INTS14: variants seen among roughly 807,000 people sequenced by gnomAD.
INTS14 encodes integrator complex subunit 14.
INTS14 carries 27 observed loss-of-function variants against 56.9 expected under a neutral mutation model. The observed-to-expected ratio is 0.47, with a 90% CI of 0.35 to 0.65. INTS14 has a LOEUF of 0.65. INTS14 is among the 30% of genes least tolerant of loss of function. The pLI is 0.00. For missense variants in INTS14, 517 were observed against 632.2 expected, an observed-to-expected ratio of 0.82 and a Z score of 1.95; for synonymous variants, 207 against 236.2, an observed-to-expected ratio of 0.88 and a Z score of 1.13.
rs748615037 is a variant in INTS14 at position 65,579,667 on chromosome 15, A to G, written c.1306-8T>C. The G allele has an allele frequency of 3.7e-6, 6 of 1,607,622 alleles. No individual in the cohort carries two copies. Among genetic ancestry groups the G allele is most frequent in the Non-Finnish European group, 5.1e-6 (6 of 1,174,864 alleles). On this transcript the variant is annotated splice_polypyrimidine_tract_variant and splice_region_variant and intron_variant, in intron 11 of 11. Transcript: ENST00000313182. Reference sequence around the variant, plus strand: ...TCGCAAACGGTTCAGCTCCTGAAACAAGACAGAAAATCACCAATGCTCCTG... The same window carrying G: ...TCGCAAACGGTTCAGCTCCTGAAACGAGACAGAAAATCACCAATGCTCCTG...
chr15:65,595,842 A>G lies in INTS14; in HGVS notation c.749-17T>C. 1 of 1,548,312 alleles carries G rather than the reference A, an allele frequency of 6.5e-7. No individual in the cohort carries two copies. The highest frequency in any genetic ancestry group is 8.8e-7 in the Non-Finnish European group (1 of 1,132,196). On this transcript the variant is annotated splice_polypyrimidine_tract_variant and intron_variant, in intron 6 of 11. Transcript: ENST00000313182. ...TTTCCAAATCTGAAATGAAGGAATC[A>G]ACACAGAATTAATTCATTCTATGGA... is the stretch of plus-strand genomic sequence containing the variant.
Position 65,607,177 on chromosome 15 carries a change from T to C in INTS14, c.204A>G (p.Arg68=). The C allele has an allele frequency of 6.2e-7, 1 of 1,614,208 alleles. No individual in the cohort carries two copies. The highest frequency in any genetic ancestry group is 8.5e-7 in the Non-Finnish European group (1 of 1,180,030). ...SLWELMVPFT[R]DYNTLQEALS... ...TTTGTACCTGTAGGGTATTATAATC[T>C]CTCGTGAAGGGGACCATCAACTCCC... The change falls in exon 2 of 12, where the codon AGA becomes AGG. Residue 68 remains arginine (R), a synonymous_variant. Transcript: ENST00000313182.
chr15:65,607,493 TTCA>T lies in INTS14; in HGVS notation c.-62-54_-62-52del, dbSNP rs1163069495. 12 of 1,509,622 alleles carry T rather than the reference TTCA, an allele frequency of 7.9e-6. No homozygotes were observed. In the African/African-American group the frequency reaches 9.7e-5, roughly 12 times the overall value. 93.5% of individuals were successfully genotyped at this position (1,509,622 alleles called of 1,614,324 possible). A position where few individuals can be genotyped will look rare whatever the true frequency, so the allele number is the denominator to read the frequency against. On this transcript the variant is annotated intron_variant, in intron 1 of 11. Coordinates refer to ENST00000313182, the MANE Select transcript of INTS14 (RefSeq NM_001394796.1). ...ATGTCATGGAGAGAAAATAATATTT[TTCA>T]CCATAACTTTAACTAACTTCTCAGA...
At position 65,599,584 on chromosome 15, in the gene INTS14, A is replaced by C. The variant is rs989406880; in HGVS notation, c.486+190T>G. The C allele has an allele frequency of 2.1e-5, 12 of 576,786 alleles. No homozygotes were observed. In the East Asian group the frequency reaches 3.8e-4, roughly 18 times the overall value. 35.7% of individuals were successfully genotyped at this position (576,786 alleles called of 1,614,324 possible). A position where few individuals can be genotyped will look rare whatever the true frequency, so the allele number is the denominator to read the frequency against. The stretch of plus-strand genomic sequence containing the variant: ...CAACTCCAGCTATGTTCCCCAGATG[A>C]GGCAACACTCTGAAATTTCAAAGAA... On this transcript the variant is annotated intron_variant, in intron 4 of 11. Transcript: ENST00000313182.
intron 9 of INTS14, among the ~76,000 whole-genome samples, chr15:65,586,201 T>C (rs2072816376): frequency 6.6e-6 from 1 of 152,248 alleles, no homozygotes; most frequent in African/African-American, 2.4e-5. Context: ...GAATAAAGAA[T>C]ATTTATTAAG....
intron 6 of INTS14, among the ~76,000 whole-genome samples, chr15:65,596,842 G>C (rs1360946400): frequency 6.6e-6 from 1 of 152,192 alleles, no homozygotes; most frequent in Non-Finnish European, 1.5e-5. Flanking sequence ...GGGACTACAG[G>C]TGTGAGCCAC....
chr15:65,606,233 C>T (rs1216912077), intron 2 of INTS14, among the ~76,000 whole-genome samples: 2 of 137,140 alleles, frequency 1.5e-5, no homozygotes, highest in East Asian at 2.1e-4. Context: ...CCAGCCTGGG[C>T]GACAGCGAGA....
intron 9 of INTS14, 28 bp downstream of exon 9, chr15:65,591,570 G>A (rs148053187): frequency 5.1e-4 from 821 of 1,607,888 alleles, no homozygotes; most frequent in Admixed American, 8.0e-4. Context: ...ACAAAGTCAG[G>A]ATAAGTAAAA....
intron 1 of INTS14, among the ~76,000 whole-genome samples, chr15:65,608,215 A>T (rs2073724711): frequency 6.6e-6 from 1 of 152,026 alleles, no homozygotes; most frequent in Non-Finnish European, 1.5e-5. Flanking sequence ...GTCTCTACTA[A>T]AAATACAAAA....
At chr15:65,595,701 G>C (rs772727774) in intron 7 of INTS14, 32 bp downstream of exon 7, 7 of 1,511,790 alleles carry the variant, frequency 4.6e-6, no homozygotes, top group Non-Finnish European at 6.3e-6. Flanking sequence ...TTAATAAGAC[G>C]CTTCAGACGT....
chr15:65,599,646 G>A, intron 4 of INTS14, 128 bp downstream of exon 4: 1 of 1,030,842 alleles, frequency 9.7e-7, no homozygotes. Flanking sequence ...TAAAATACCA[G>A]CCTCAGCTGA....
At chr15:65,581,547 CAAAAAAAAAA>C (rs57782914) in intron 11 of INTS14, among the ~76,000 whole-genome samples, 9 of 47,732 alleles carry the variant, frequency 1.9e-4, no homozygotes, top group African/African-American at 6.7e-4. Flanking sequence ...GACTCCATCT[CAAAAAAAAAA>C]AAAAAAAAAA....
At chr15:65,602,209 A>C (rs2141311612) in intron 3 of INTS14, among the ~76,000 whole-genome samples, 1 of 152,234 alleles carries the variant, frequency 6.6e-6, no homozygotes, top group South Asian at 2.1e-4. Context: ...ACTGCACTCA[A>C]GCCTGGGCGA....
rs1399289060 is a variant in INTS14, at chr15:65,607,252, G to T, written c.129C>A (p.Ala43=). The T allele has an allele frequency of 6.2e-7, 1 of 1,614,158 alleles. No homozygotes were observed. The highest frequency in any genetic ancestry group is 8.5e-7 in the Non-Finnish European group (1 of 1,180,032). ...HGLTMLFEHM[A]TNYKLEFTAL... is the part of the protein sequence containing the mutation. Reference sequence around the variant, plus strand: ...CTGTAAATTCAAGCTTGTAATTTGTGGCCATGTGCTCAAACAGCATCGTTA... The same window carrying T: ...CTGTAAATTCAAGCTTGTAATTTGTTGCCATGTGCTCAAACAGCATCGTTA... Residue 43 remains alanine, a synonymous_variant, in exon 2 of 12, where the codon GCC becomes GCA. Coordinates refer to ENST00000313182, the MANE Select transcript of INTS14 (RefSeq NM_001394796.1).
intron 3 of INTS14, among the ~76,000 whole-genome samples, chr15:65,604,882 G>A (rs1029245826): frequency 6.6e-6 from 1 of 152,130 alleles, no homozygotes; most frequent in African/African-American, 2.4e-5. Context: ...AGCCCTTTGT[G>A]TTTTATATAA....
intron 7 of INTS14, among the ~76,000 whole-genome samples, chr15:65,594,867 G>A (rs2073158270): frequency 6.6e-6 from 1 of 152,090 alleles, no homozygotes; most frequent in African/African-American, 2.4e-5. Context: ...TGATTATAAA[G>A]CTGTCTGTGG....
chr15:65,580,452 T>C lies in INTS14; in HGVS notation c.1306-793A>G, dbSNP rs1399348649. On this transcript the variant is annotated intron_variant, in intron 11 of 11. Coordinates refer to ENST00000313182, the MANE Select transcript of INTS14 (RefSeq NM_001394796.1). The stretch of plus-strand genomic sequence containing the variant: ...TGTGTCATCATGAGTAAATAGCTGA[T>C]GACTGTAGGAAGCTCTGCAGGGAGG... Among the ~76,000 whole-genome samples the C allele has an allele frequency of 2.6e-5, 4 of 152,300 alleles. No individual in the cohort carries two copies. The East Asian group carries it at 7.7e-4, about 29-fold the overall frequency.
At position 65,591,585 on chromosome 15, in the gene INTS14, A is replaced by G. The variant is rs770812952; in HGVS notation, c.1120+13T>C. The G allele has an allele frequency of 5.8e-5, 94 of 1,611,728 alleles. No individual in the cohort carries two copies. The Admixed American group carries it at 1.4e-3, about 25-fold the overall frequency. ...ACAAAGTCAGGATAAGTAAAATCTG[A>G]TCTGGATTATACCTGAAATAGGACC... On this transcript the variant is annotated intron_variant, in intron 9 of 11. Transcript: ENST00000313182.
chr15:65,592,885 G>A (rs1034225143), intron 8 of INTS14, among the ~76,000 whole-genome samples: 2 of 151,958 alleles, frequency 1.3e-5, no homozygotes, highest in African/African-American at 4.8e-5. Flanking sequence ...AATTGAGAAA[G>A]GATATAAAAT....
Sources: allele counts gnomAD v4.1 joint callset (sites outside exome capture counted in the v4.1 genomes callset), GRCh38; gene constraint gnomAD v4.1.1; transcripts MANE v1.5; gene names NCBI Gene and HGNC (gene_info 2026-07-23, HGNC 2026-07-21).